Variants in PARG observed in about 807,000 individuals in gnomAD.
PARG encodes the protein mitochondrial poly(ADP-ribose) glycohydrolase.
Under a neutral mutation model 113.0 loss-of-function variants are expected in PARG, and 35 were observed. That is an observed-to-expected ratio of 0.31 (90% CI 0.24 to 0.41). PARG has a LOEUF of 0.41. PARG is among the 10% of genes least tolerant of loss of function. PARG has a pLI of 1.00. For missense variants in PARG, 797 were observed against 1,169.4 expected, an observed-to-expected ratio of 0.68 and a Z score of 4.64; for synonymous variants, 330 against 409.9, an observed-to-expected ratio of 0.81 and a Z score of 2.36.
chr10:49,899,130 T>A (rs543643430), intron 7 of PARG, among the ~76,000 whole-genome samples: 1 of 152,342 alleles, frequency 6.6e-6, no homozygotes, highest in East Asian at 1.9e-4. Flanking sequence ...AGAATCTCTA[T>A]TACTCAGCAA....
chr10:49,865,914 CT>C (rs1846491474), intron 10 of PARG, among the ~76,000 whole-genome samples: 1 of 151,080 alleles, frequency 6.6e-6, no homozygotes, highest in Non-Finnish European at 1.5e-5. Context: ...TGCACATCCT[CT>C]GGAGTTAGTA....
At chr10:49,903,398 A>G (rs1848431603) in intron 7 of PARG, among the ~76,000 whole-genome samples, 1 of 151,966 alleles carries the variant, frequency 6.6e-6, no homozygotes, top group Non-Finnish European at 1.5e-5. Context: ...TAATTCCTAA[A>G]TCTCTCGGTA....
Position 49,843,547 on chromosome 10 carries a change from G to A in PARG, c.2432+7C>T, listed in dbSNP as rs1199786916. 1.3e-6 allele frequency: 2 copies of A among 1,540,104 alleles called. No homozygotes were observed. Among genetic ancestry groups the A allele is most frequent in the Non-Finnish European group, 1.8e-6 (2 of 1,136,564 alleles). The stretch of plus-strand genomic sequence containing the variant: ...CCATGGAATACTGAAGACAGAAACA[G>A]ACTCACCTTTCACTCCCATCTTCGT... On this transcript the variant is annotated splice_region_variant and intron_variant, in intron 14 of 17. Coordinates refer to ENST00000616448, the MANE Select transcript of PARG (RefSeq NM_003631.5).
At chr10:49,821,724 A>T (rs1844094994) in intron 16 of PARG, among the ~76,000 whole-genome samples, 1 of 152,204 alleles carries the variant, frequency 6.6e-6, no homozygotes, top group African/African-American at 2.4e-5. Flanking sequence ...CAGCATGTTA[A>T]TATTCTACAT....
intron 16 of PARG, among the ~76,000 whole-genome samples, chr10:49,824,894 A>G (rs1223022828): frequency 1.3e-5 from 2 of 152,146 alleles, no homozygotes; most frequent in African/African-American, 2.4e-5. Context: ...GCCCTTGCCC[A>G]CTGCTTCTGG....
At chr10:49,891,612 TATATATATATA>T (rs1388696844) in intron 7 of PARG, among the ~76,000 whole-genome samples, 3 of 54,244 alleles carry the variant, frequency 5.5e-5, no homozygotes, top group African/African-American at 2.3e-4. Context: ...TATATATATA[TATATATATATA>T]TTTTTTTTTT....
At chr10:49,852,074 G>A (rs1479948171) in intron 13 of PARG, among the ~76,000 whole-genome samples, 2 of 152,294 alleles carry the variant, frequency 1.3e-5, no homozygotes, top group East Asian at 3.9e-4. Flanking sequence ...AGCTCACTGA[G>A]CTGGATGCAT....
At position 49,877,279 on chromosome 10, in the gene PARG, A is replaced by G. The variant is rs1423690109; in HGVS notation, c.1988+2394T>C. 1.1e-3 allele frequency among the ~76,000 whole-genome samples: 162 copies of G among 149,310 alleles called. 3 individuals are homozygous for G. Among genetic ancestry groups the G allele is most frequent in the Non-Finnish European group, 4.1e-4 (27 of 66,622 alleles). On this transcript the variant is annotated intron_variant, in intron 9 of 17. Coordinates refer to ENST00000616448, the MANE Select transcript of PARG (RefSeq NM_003631.5). ...TCTAGAATTCTTCTCATCTTAAGAG[A>G]GTAAAACATTCTCCAATTTTAAAAG... is the stretch of plus-strand genomic sequence containing the variant.
intron 14 of PARG, 55 bp from the exon 15 acceptor site, chr10:49,842,113 A>C (rs1554832481): frequency 8.1e-7 from 1 of 1,240,640 alleles, no homozygotes; most frequent in African/African-American, 1.5e-5. Context: ...CGCTCAAATA[A>C]AATCCTCTCA....
chr10:49,884,164 C>G (rs1222119417), intron 8 of PARG, among the ~76,000 whole-genome samples: 1 of 151,710 alleles, frequency 6.6e-6, no homozygotes, highest in African/African-American at 2.4e-5. Flanking sequence ...TCCACAACCA[C>G]TCAGTCAGCT....
chr10:49,896,975 T>C (rs1450856645), intron 7 of PARG, among the ~76,000 whole-genome samples: 1 of 152,212 alleles, frequency 6.6e-6, no homozygotes, highest in Non-Finnish European at 1.5e-5. Flanking sequence ...GTATTAATCC[T>C]TTGTCTCACA....
At chr10:49,897,936 G>A (rs1161097667) in intron 7 of PARG, among the ~76,000 whole-genome samples, 1 of 152,132 alleles carries the variant, frequency 6.6e-6, no homozygotes, top group Non-Finnish European at 1.5e-5. Flanking sequence ...AGGTTGCAGT[G>A]AGCTGAGATC....
rs183738304 is a variant in PARG, at chr10:49,896,490, G to T, written c.1738-11195C>A. Among the ~76,000 whole-genome samples the T allele has an allele frequency of 3.3e-3, 508 of 152,190 alleles. 4 individuals are homozygous for T. Among genetic ancestry groups the T allele is most frequent in the African/African-American group, 0.011 (474 of 41,510 alleles). On this transcript the variant is annotated intron_variant, in intron 7 of 17. Coordinates refer to ENST00000616448, the MANE Select transcript of PARG (RefSeq NM_003631.5). Reference sequence around the variant, plus strand: ...AGTAGAGATGGAGTTTTACTATGTTGGCCAGGCTGGCCTCGAACTCCTAAC... The same window carrying T: ...AGTAGAGATGGAGTTTTACTATGTTTGCCAGGCTGGCCTCGAACTCCTAAC...
chr10:49,916,897 A>G (rs1554847783), intron 6 of PARG, among the ~76,000 whole-genome samples: 1 of 152,160 alleles, frequency 6.6e-6, no homozygotes, highest in Non-Finnish European at 1.5e-5. Flanking sequence ...CCACTGTTAG[A>G]TTATTACTAT....
intron 11 of PARG, among the ~76,000 whole-genome samples, chr10:49,863,813 G>A (rs1846364180): frequency 6.6e-6 from 1 of 151,734 alleles, no homozygotes; most frequent in Non-Finnish European, 1.5e-5. Flanking sequence ...CAATGAATGG[G>A]AGTATGTTAA....
chr10:49,936,064 A>G (rs1838725270), intron 1 of PARG, among the ~76,000 whole-genome samples: 1 of 152,156 alleles, frequency 6.6e-6, no homozygotes, highest in African/African-American at 2.4e-5. Context: ...GAAGCCAGCC[A>G]CACCCCAGTC....
In PARG at chr10:49,905,666, T is replaced by TA. The variant is rs1848550357; in HGVS notation, c.1737+10250dup. Reference sequence around the variant, plus strand: ...CAGTACATTCCCCCACCTTAACTATTAACCCTTTACTTACGAAGTGTTAAT... The same window carrying TA: ...CAGTACATTCCCCCACCTTAACTATTAAACCCTTTACTTACGAAGTGTTAAT... On this transcript the variant is annotated intron_variant, in intron 7 of 17. Coordinates refer to ENST00000616448, the MANE Select transcript of PARG (RefSeq NM_003631.5). Among the ~76,000 whole-genome samples the TA allele has an allele frequency of 2.6e-5, 4 of 152,336 alleles. 1 individual carries two copies. In the South Asian group the frequency reaches 8.3e-4, roughly 32 times the overall value.
At chr10:49,921,352 TG>T (rs1346970668) in intron 6 of PARG, among the ~76,000 whole-genome samples, 2 of 152,360 alleles carry the variant, frequency 1.3e-5, no homozygotes, top group African/African-American at 2.4e-5. Flanking sequence ...TATTTTGTTT[TG>T]TTTTTTTGTA....
chr10:49,932,827 TA>T (rs1196090081), intron 3 of PARG, among the ~76,000 whole-genome samples: 3,167 of 127,044 alleles, frequency 0.025, 69 homozygotes, highest in African/African-American at 0.072. Context: ...AAACAAAGTG[TA>T]AAAAAAAAAA....
Sources: allele counts gnomAD v4.1 joint callset (sites outside exome capture counted in the v4.1 genomes callset), GRCh38; gene constraint gnomAD v4.1.1; transcripts MANE v1.5; gene names NCBI Gene and HGNC (gene_info 2026-07-23, HGNC 2026-07-21).